The following MS4A14 variants were observed in gnomAD, a reference collection of about 807,000 sequenced individuals.
MS4A14 encodes the protein membrane-spanning 4-domains subfamily A member 14.
Under a neutral mutation model 16.7 loss-of-function variants are expected in MS4A14, and 18 were observed. The observed-to-expected ratio is 1.08, with a 90% confidence interval of 0.75 to 1.60. The LOEUF (loss-of-function observed/expected upper bound fraction) is 1.60, where lower values mean the gene tolerates loss of function less well. Ranked by LOEUF, MS4A14 falls within the 40% of genes most tolerant of loss-of-function variation. The pLI, the probability that MS4A14 is intolerant of heterozygous loss-of-function variation, is 0.00. For synonymous variants in MS4A14, 305 were observed against 289.4 expected (o/e 1.05, Z -0.55); for missense variants, 812 against 775.3 (o/e 1.05, Z -0.56).
Position 60,416,448 on chromosome 11 carries a change from G to A in MS4A14, c.1480G>A (p.Ala494Thr). 1.2e-6 allele frequency: 2 copies of A among 1,613,904 alleles called. No homozygotes were observed. Among genetic ancestry groups the A allele is most frequent in the Non-Finnish European group, 1.7e-6 (2 of 1,179,934 alleles). ...RRHSLNQQTK[A>T]LQYLRRHSLD... ...GCATTCCTTAAACCAGCAAACCAAAGCCTTGCAATACTTAAGGAGACATTC... is the reference window on the plus strand; with the variant it reads ...GCATTCCTTAAACCAGCAAACCAAAACCTTGCAATACTTAAGGAGACATTC... The change falls in exon 5 of 5, where the codon GCC (alanine) becomes ACC (threonine). Residue 494 changes from alanine to threonine, a missense_variant. Physicochemically the swap from Ala to Thr is moderately conservative, Grantham distance 58 (BLOSUM62 0). Transcript: ENST00000300187.
intron 4 of MS4A14, among the ~76,000 whole-genome samples, chr11:60,407,720 A>G (rs2085808610): frequency 1.3e-5 from 2 of 152,132 alleles, no homozygotes; most frequent in Non-Finnish European, 2.9e-5. Flanking sequence ...CCATTTGTGT[A>G]TCTTCTTTTG....
intron 4 of MS4A14, among the ~76,000 whole-genome samples, chr11:60,407,223 G>T (rs571549371): frequency 6.6e-6 from 1 of 151,718 alleles, no homozygotes; most frequent in Admixed American, 6.6e-5. Context: ...GTTTTGCCAC[G>T]TTGCCCAGGC....
At chr11:60,408,254 C>T (rs532319065) in intron 4 of MS4A14, among the ~76,000 whole-genome samples, 95 of 152,320 alleles carry the variant, frequency 6.2e-4, no homozygotes, top group Non-Finnish European at 1.1e-3. Flanking sequence ...TATCCTTCCA[C>T]GTATTCTACA....
intron 4 of MS4A14, among the ~76,000 whole-genome samples, chr11:60,407,219 C>T (rs1383350201): frequency 6.6e-6 from 1 of 151,916 alleles, no homozygotes; most frequent in African/African-American, 2.4e-5. Context: ...TAGGGTTTTG[C>T]CACGTTGCCC....
chr11:60,415,608 A>G lies in MS4A14; in HGVS notation c.640A>G (p.Arg214Gly), dbSNP rs562506831. The G allele has an allele frequency of 6.2e-7, 1 of 1,613,740 alleles. No homozygotes were observed. The highest frequency in any genetic ancestry group is 1.7e-5 in the Admixed American group (1 of 59,964). Residue 214 changes from arginine (R) to glycine (G), a missense_variant, in exon 5 of 5, where the codon AGG (arginine) becomes GGG (glycine). Transcript: ENST00000300187. ...GYAFFKLTLS[R>G]SPLVSQPGNK... ...TGCTTTCTTCAAGTTAACACTCTCTAGGAGTCCTTTAGTCTCCCAACCAGG... is the reference window on the plus strand; with the variant it reads ...TGCTTTCTTCAAGTTAACACTCTCTGGGAGTCCTTTAGTCTCCCAACCAGG...
rs772548319 is a variant in MS4A14, at chr11:60,403,070, T to C, written c.468+9T>C. ...GTAGAACTCTTTTCATTGTAAGTGG[T>C]CTTATTTTGCATGAAGAATCCCTAA... On this transcript the variant is annotated intron_variant, in intron 4 of 4. Coordinates refer to ENST00000300187, the MANE Select transcript of MS4A14 (RefSeq NM_032597.5). 5 of 1,612,788 alleles carry C rather than the reference T, an allele frequency of 3.1e-6. No individual in the cohort carries two copies. The East Asian group carries it at 1.1e-4, about 36-fold the overall frequency.
At chr11:60,401,574 G>T (rs115223947) in intron 3 of MS4A14, among the ~76,000 whole-genome samples, 1,658 of 152,242 alleles carry the variant, frequency 0.011, 26 homozygotes, top group African/African-American at 0.038. Context: ...TCCACAAACC[G>T]TGAAAGTGAT....
chr11:60,405,207 G>A (rs2085769600), intron 4 of MS4A14, among the ~76,000 whole-genome samples: 1 of 152,042 alleles, frequency 6.6e-6, no homozygotes, highest in East Asian at 1.9e-4. Context: ...AGCCTCCCGA[G>A]TAGCTGGGAT....
chr11:60,398,745 T>G (rs2085667072), intron 2 of MS4A14, among the ~76,000 whole-genome samples: 1 of 152,214 alleles, frequency 6.6e-6, no homozygotes, highest in African/African-American at 2.4e-5. Context: ...CTATTAAAAA[T>G]CCACAGTCTC....
chr11:60,396,598 A>G lies in MS4A14; in HGVS notation c.20A>G (p.Asp7Gly). 1 of 1,613,892 alleles carries G rather than the reference A, an allele frequency of 6.2e-7. No homozygotes were observed. The highest frequency in any genetic ancestry group is 8.5e-7 in the Non-Finnish European group (1 of 1,179,898). MESTSQ[D>G]RRATHVITIK... The stretch of plus-strand genomic sequence containing the variant: ...AGAATCATGGAGTCAACATCCCAGG[A>G]CAGAAGGGCAACTCACGTCATCACT... The change falls in exon 1 of 5, where the codon GAC (aspartate) becomes GGC (glycine). Residue 7 changes from aspartate to glycine, a missense_variant. By Grantham distance (94) the Asp-to-Gly change is moderately conservative. Coordinates refer to ENST00000300187, the MANE Select transcript of MS4A14 (RefSeq NM_032597.5).
Position 60,416,197 on chromosome 11 carries a change from T to C in MS4A14, c.1229T>C (p.Leu410Pro). ...IPSQDMLSQA[L>P]SAHAILPEAS... is the part of the protein sequence containing the mutation. Reference sequence around the variant, plus strand: ...TCCCAAGATATGCTATCCCAAGCTCTATCAGCGCATGCCATATTACCTGAA... The same window carrying C: ...TCCCAAGATATGCTATCCCAAGCTCCATCAGCGCATGCCATATTACCTGAA... The change falls in exon 5 of 5, where the codon CTA becomes CCA. Residue 410 changes from leucine to proline, a missense_variant. By Grantham distance (98) the Leu-to-Pro change is moderately conservative (BLOSUM62 -3). Coordinates refer to ENST00000300187, the MANE Select transcript of MS4A14 (RefSeq NM_032597.5). 6.2e-7 allele frequency: 1 copy of C among 1,613,866 alleles called. No homozygotes were observed. Among genetic ancestry groups the C allele is most frequent in the Non-Finnish European group, 8.5e-7 (1 of 1,179,928 alleles).
chr11:60,402,849 T>TA, intron 3 of MS4A14, 63 bp from the exon 4 acceptor site: 1 of 1,533,848 alleles, frequency 6.5e-7, no homozygotes, highest in South Asian at 1.2e-5. Context: ...AAAAATTTCT[T>TA]ACAAGATATT....
At chr11:60,405,895 T>C (rs2085779351) in intron 4 of MS4A14, 1 of 1,533,370 alleles carries the variant, frequency 6.5e-7, no homozygotes, top group East Asian at 2.4e-5. Flanking sequence ...GCAGGGAATT[T>C]TGTTAATCTT....
chr11:60,415,853 G>A lies in MS4A14; in HGVS notation c.885G>A (p.Gln295=), dbSNP rs1159412825. Residue 295 remains glutamine (Q), a synonymous_variant, in exon 5 of 5, where the codon CAG becomes CAA. Coordinates refer to ENST00000300187, the MANE Select transcript of MS4A14 (RefSeq NM_032597.5). ...CTCAAATGCAAACCAAGCTTCTGCA[G>A]GACCAAGCTGCGTCACTCCAAGTTT... ...QPSQMQTKLL[Q]DQAASLQVFP... 2.5e-6 allele frequency: 4 copies of A among 1,613,890 alleles called. No individual in the cohort carries two copies. In the South Asian group the frequency reaches 4.4e-5, roughly 18 times the overall value.
chr11:60,404,161 C>T (rs773568314), intron 4 of MS4A14, among the ~76,000 whole-genome samples: 4 of 152,072 alleles, frequency 2.6e-5, no homozygotes, highest in Admixed American at 6.5e-5. Context: ...TGTATATACC[C>T]GAAAGGGTTA....
chr11:60,398,094 G>C (rs747749053), intron 2 of MS4A14, 114 bp downstream of exon 2: 50 of 1,136,346 alleles, frequency 4.4e-5, no homozygotes, highest in Non-Finnish European at 6.0e-5. Flanking sequence ...GACCAAAAAA[G>C]GCAGCTCCCT....
rs2085737372 is a variant in MS4A14, at chr11:60,402,999, G to T, written c.406G>T (p.Asp136Tyr). 1 of 1,613,752 alleles carries T rather than the reference G, an allele frequency of 6.2e-7. No homozygotes were observed. Among genetic ancestry groups the T allele is most frequent in the African/African-American group, 1.3e-5 (1 of 74,908 alleles). Residue 136 changes from aspartate to tyrosine, a missense_variant, in exon 4 of 5, where the codon GAC becomes TAC. Physicochemically the swap from Asp to Tyr is radical, Grantham distance 160 (BLOSUM62 -3). Coordinates refer to ENST00000300187, the MANE Select transcript of MS4A14 (RefSeq NM_032597.5). The part of the protein sequence containing the change: ...TFTILSYRHQ[D>Y]KYCQMPSFEE... ...CACCATTCTCAGCTACAGACATCAA[G>T]ACAAGTACTGCCAGATGCCATCCTT... is the stretch of plus-strand genomic sequence containing the variant.
rs771273373 is a variant in MS4A14, at chr11:60,415,553, A to G, written c.585A>G (p.Thr195=). The change falls in exon 5 of 5, where the codon ACA becomes ACG. Residue 195 remains threonine (T), a synonymous_variant. Coordinates refer to ENST00000300187, the MANE Select transcript of MS4A14 (RefSeq NM_032597.5). The part of the protein sequence containing the change: ...QEEFSSDDST[T]NAQSVIFGGY... ...AGTTTTCCAGTGATGATTCAACAAC[A>G]AATGCACAATCTGTTATCTTTGGAG... 5.6e-6 allele frequency: 9 copies of G among 1,613,718 alleles called. No individual in the cohort carries two copies. In the African/African-American group the frequency reaches 1.1e-4, roughly 19 times the overall value.
Position 60,417,061 on chromosome 11 carries a change from GA to G in MS4A14, c.*55del. On this transcript the variant is annotated 3_prime_UTR_variant, in exon 5 of 5. Coordinates refer to ENST00000300187, the MANE Select transcript of MS4A14 (RefSeq NM_032597.5). ...AAGCACGAGAATGGCAATTTGAAAT[GA>G]AGCACTGGCAAACACAGGATCTATT... 1 of 1,557,248 alleles carries G rather than the reference GA, an allele frequency of 6.4e-7. No homozygotes were observed. The highest frequency in any genetic ancestry group is 8.7e-7 in the Non-Finnish European group (1 of 1,155,962).
Sources: allele counts gnomAD v4.1 joint callset (sites outside exome capture counted in the v4.1 genomes callset), GRCh38; gene constraint gnomAD v4.1.1; transcripts MANE v1.5; gene names NCBI Gene and HGNC (gene_info 2026-07-23, HGNC 2026-07-21).